Variants in DNMBP observed in about 807,000 individuals in gnomAD.
DNMBP encodes dynamin-binding protein.
DNMBP carries 87 observed loss-of-function variants against 150.0 expected under a neutral mutation model. The ratio of observed to expected loss-of-function variants is 0.58; its 90% CI spans 0.49 to 0.69. The LOEUF (loss-of-function observed/expected upper bound fraction) is 0.69, where lower values mean the gene tolerates loss of function less well. DNMBP is among the 30% of genes least tolerant of loss of function. The pLI, the probability that DNMBP is intolerant of heterozygous loss-of-function variation, is 0.00. For synonymous variants in DNMBP, 711 were observed against 750.4 expected (o/e 0.95, Z 0.86); for missense variants, 1,774 against 1,949.0 (o/e 0.91, Z 1.69).
At chr10:99,980,345 G>A (rs1173683702) in intron 1 of DNMBP, among the ~76,000 whole-genome samples, 2 of 151,942 alleles carry the variant, frequency 1.3e-5, no homozygotes, top group Non-Finnish European at 2.9e-5. Flanking sequence ...TACTCAAGAG[G>A]CTGAGGCAGG....
At chr10:99,885,478 T>C (rs181852303) in intron 14 of DNMBP, among the ~76,000 whole-genome samples, 3 of 151,846 alleles carry the variant, frequency 2.0e-5, no homozygotes, top group African/African-American at 7.3e-5. Context: ...ACCACTGCAC[T>C]CCAGCCTGGC....
intron 9 of DNMBP, among the ~76,000 whole-genome samples, chr10:99,897,293 G>T (rs56172157): frequency 0.057 from 8,608 of 152,208 alleles, 261 homozygotes; most frequent in Middle Eastern, 0.19. Flanking sequence ...TTTTAGGAGG[G>T]GAGGTGAGGG....
intron 3 of DNMBP, among the ~76,000 whole-genome samples, chr10:99,965,713 T>C (rs61873788): frequency 0.027 from 4,167 of 152,206 alleles, 75 homozygotes; most frequent in South Asian, 0.087. Flanking sequence ...GCCAGGCTGG[T>C]CTCGAACTCC....
intron 6 of DNMBP, among the ~76,000 whole-genome samples, chr10:99,902,872 G>A (rs1206660646): frequency 1.3e-5 from 2 of 151,374 alleles, no homozygotes; most frequent in African/African-American, 4.9e-5. Flanking sequence ...AGGTTGTAGT[G>A]AGCAGAGGTC....
rs962945133 is a variant in DNMBP, at chr10:99,879,943, T to C, written c.4416A>G (p.Pro1472=). ...TPRSYRNFRH[P]EIVGYSVPGR... is the part of the protein sequence containing the mutation. ...CTGGTACGGAGTAGCCAACTATTTC[T>C]GGATGCCTGAAGTTCCGGTAGCTCC... The change falls in exon 16 of 17, where the codon CCA becomes CCG. Residue 1472 remains proline (P), a synonymous_variant. Coordinates refer to ENST00000324109, the MANE Select transcript of DNMBP (RefSeq NM_015221.4). 4 of 1,614,126 alleles carry C rather than the reference T, an allele frequency of 2.5e-6. No individual in the cohort carries two copies. The African/African-American group carries it at 5.3e-5, about 22-fold the overall frequency.
At chr10:99,889,143 C>G in intron 11 of DNMBP, 190 bp from the exon 12 acceptor site, 1 of 593,636 alleles carries the variant, frequency 1.7e-6, no homozygotes, top group Non-Finnish European at 2.8e-6. Context: ...CAGAGAAAGG[C>G]TAAGACTTTT....
At chr10:99,910,803 C>A (rs1026541519) in intron 4 of DNMBP, among the ~76,000 whole-genome samples, 2 of 152,272 alleles carry the variant, frequency 1.3e-5, no homozygotes, top group Non-Finnish European at 2.9e-5. Flanking sequence ...TGAAAAAGCA[C>A]AATGGATTAT....
intron 9 of DNMBP, 97 bp downstream of exon 9, chr10:99,897,989 C>A: frequency 9.8e-7 from 1 of 1,025,548 alleles, no homozygotes; most frequent in Admixed American, 1.8e-5. Context: ...ATACCTACCA[C>A]CTGCCTTGTC....
At chr10:99,984,043 G>A (rs948822556) in intron 1 of DNMBP, among the ~76,000 whole-genome samples, 1 of 152,184 alleles carries the variant, frequency 6.6e-6, no homozygotes, top group African/African-American at 2.4e-5. Flanking sequence ...GACTCTCACA[G>A]TACAGTAGTT....
chr10:99,915,106 A>ATAT (rs57930336), intron 4 of DNMBP, among the ~76,000 whole-genome samples: 14 of 102,742 alleles, frequency 1.4e-4, no homozygotes, highest in South Asian at 1.4e-3. Context: ...AAAAAAAAAA[A>ATAT]AAATATATAT....
intron 6 of DNMBP, among the ~76,000 whole-genome samples, chr10:99,906,022 A>C (rs997193965): frequency 2.6e-5 from 4 of 152,218 alleles, no homozygotes. Context: ...TATTGTAGAG[A>C]ACAACTGAGA....
At chr10:99,903,078 G>C (rs1199157221) in intron 6 of DNMBP, among the ~76,000 whole-genome samples, 2 of 151,104 alleles carry the variant, frequency 1.3e-5, no homozygotes, top group East Asian at 3.9e-4. Flanking sequence ...GGGACTACAG[G>C]TATGTGCTAC....
chr10:99,938,045 C>T (rs537334084), intron 4 of DNMBP, among the ~76,000 whole-genome samples: 1 of 152,348 alleles, frequency 6.6e-6, no homozygotes, highest in Non-Finnish European at 1.5e-5. Context: ...TTAATGATTT[C>T]TCTGCCACTT....
At chr10:99,974,335 C>T (rs1281164107) in intron 1 of DNMBP, among the ~76,000 whole-genome samples, 2 of 152,080 alleles carry the variant, frequency 1.3e-5, no homozygotes, top group South Asian at 2.1e-4. Flanking sequence ...TACCTTGATG[C>T]ATGTGGCTGG....
rs759384892 is a variant in DNMBP, at chr10:99,892,812, C to CA, written c.3156+2133dup. Among the ~76,000 whole-genome samples the CA allele has an allele frequency of 3.4e-4, 52 of 152,096 alleles. 1 individual carries two copies. Among genetic ancestry groups the CA allele is most frequent in the Non-Finnish European group, 4.1e-4 (28 of 67,974 alleles). ...CGAGAATTTTTAAATGTTGGAACAG[C>CA]AAAGTCCTTTCTACATATGACACAA... On this transcript the variant is annotated intron_variant, in intron 11 of 16. Coordinates refer to ENST00000324109, the MANE Select transcript of DNMBP (RefSeq NM_015221.4).
At chr10:99,930,792 A>G (rs1383313210) in intron 4 of DNMBP, 1 of 628,076 alleles carries the variant, frequency 1.6e-6, no homozygotes, top group Admixed American at 2.8e-5. Context: ...CAAAGGTTTT[A>G]CTATTCTTTT....
chr10:99,960,904 C>A (rs1258690998), intron 3 of DNMBP, among the ~76,000 whole-genome samples: 2 of 151,680 alleles, frequency 1.3e-5, no homozygotes, highest in African/African-American at 4.8e-5. Flanking sequence ...TTGAGCCCAA[C>A]AGTTCAAGGC....
chr10:99,909,220 G>A (rs938932481), intron 4 of DNMBP, 74 bp from the exon 5 acceptor site: 29 of 1,243,098 alleles, frequency 2.3e-5, no homozygotes, highest in Non-Finnish European at 2.9e-5. Context: ...GAGGCAAACA[G>A]AACCCATTTC....
chr10:99,933,886 G>A (rs572986242), intron 4 of DNMBP, among the ~76,000 whole-genome samples: 3 of 152,266 alleles, frequency 2.0e-5, no homozygotes, highest in Non-Finnish European at 2.9e-5. Context: ...ACAGGCGCCC[G>A]CCACCATGCC....
Sources: gnomAD v4.1 joint callset for allele counts (sites outside exome capture counted in the v4.1 genomes callset) on GRCh38, gnomAD v4.1.1 for gene constraint, MANE v1.5 for transcripts, NCBI Gene and HGNC (gene_info 2026-07-23, HGNC 2026-07-21) for gene names.